TLK1: variants seen among roughly 807,000 people sequenced by gnomAD.
TLK1 encodes tousled like kinase 1, also known as serine/threonine-protein kinase tousled-like 1.
Under a neutral mutation model 105.3 loss-of-function variants are expected in TLK1, and 24 were observed. The observed-to-expected ratio is 0.23, with a 90% CI of 0.17 to 0.32. The LOEUF (loss-of-function observed/expected upper bound fraction) is 0.32. Ranked by LOEUF, TLK1 falls within the 10% of genes least tolerant of loss-of-function variation. The pLI is 1.00. For missense variants in TLK1, 558 were observed against 910.5 expected, an observed-to-expected ratio of 0.61 and a Z score of 4.98; for synonymous variants, 321 against 310.4, an observed-to-expected ratio of 1.03 and a Z score of -0.36.
intron 3 of TLK1, among the ~76,000 whole-genome samples, chr2:171,076,751 A>T (rs1268412577): frequency 5.9e-5 from 9 of 151,390 alleles, no homozygotes; most frequent in Middle Eastern, 3.4e-3. Flanking sequence ...AAAAAAAAAA[A>T]AAATACAAAA....
chr2:171,089,448 CATG>C (rs1689127364), intron 2 of TLK1, among the ~76,000 whole-genome samples: 3 of 152,160 alleles, frequency 2.0e-5, no homozygotes, highest in African/African-American at 7.2e-5. Context: ...ATTTTTCTAT[CATG>C]ATAAGAGTTC....
chr2:171,065,280 T>G (rs1320133520), intron 3 of TLK1, among the ~76,000 whole-genome samples: 1 of 152,222 alleles, frequency 6.6e-6, no homozygotes, highest in Non-Finnish European at 1.5e-5. Context: ...TATTAAAGTT[T>G]GTTCTTCATT....
rs370745022 is a variant in TLK1 at position 171,194,774 on chromosome 2, G to A, written c.-6+36371C>T. On this transcript the variant is annotated intron_variant, in intron 1 of 20. Coordinates refer to the TLK1 transcript ENST00000521943. Reference sequence around the variant, plus strand: ...GGAGCTTGCAGTGAGCCCAGATCGCGCCACTGCACTCCAGCCTGGGCGACA... The same window carrying A: ...GGAGCTTGCAGTGAGCCCAGATCGCACCACTGCACTCCAGCCTGGGCGACA... Among the ~76,000 whole-genome samples, 48 of 143,546 alleles carry A rather than the reference G, an allele frequency of 3.3e-4. No individual in the cohort carries two copies. In the South Asian group the frequency reaches 5.2e-3, roughly 15 times the overall value. 94.2% of individuals were successfully genotyped at this position (143,546 alleles called of 152,430 possible).
intron 3 of TLK1, among the ~76,000 whole-genome samples, chr2:171,067,349 G>A (rs991088863): frequency 6.6e-6 from 1 of 151,580 alleles, no homozygotes; most frequent in Non-Finnish European, 1.5e-5. Context: ...TTTTAGTAGA[G>A]ATGGGGTTTC....
intron 3 of TLK1, among the ~76,000 whole-genome samples, chr2:171,077,975 A>G (rs1688588701): frequency 6.6e-6 from 1 of 152,174 alleles, no homozygotes; most frequent in African/African-American, 2.4e-5. Context: ...GAAATCCTCA[A>G]ACCATACTCT....
At position 171,160,414 on chromosome 2, in the gene TLK1, A is replaced by G; in HGVS notation, c.15T>C (p.Ser5=). The change falls in exon 1 of 21, where the codon AGT becomes AGC. Residue 5 remains serine, a synonymous_variant. Transcript: ENST00000431350. This position sits in a 1 kb window ranked among gnomAD's most constrained non-coding sequence, Gnocchi z 4.4. The part of the protein sequence containing the change: MSVQ[S]SSGSLEGPPS... ...GCGGCCCCTCCAAACTTCCACTGCT[A>G]CTTTGGACACTCATCAAGCTACTTT... The G allele has an allele frequency of 1.2e-6, 2 of 1,603,052 alleles. No homozygotes were observed. Among genetic ancestry groups the G allele is most frequent in the Non-Finnish European group, 1.7e-6 (2 of 1,175,396 alleles).
intron 1 of TLK1, among the ~76,000 whole-genome samples, chr2:171,155,370 G>C (rs1443625427): frequency 2.0e-5 from 3 of 152,014 alleles, no homozygotes; most frequent in African/African-American, 4.8e-5. Flanking sequence ...ATTTCACAGG[G>C]AATTTAGCAA....
intron 1 of TLK1, among the ~76,000 whole-genome samples, chr2:171,224,028 A>G (rs2105332262): frequency 6.6e-6 from 1 of 152,138 alleles, no homozygotes; most frequent in African/African-American, 2.4e-5. Flanking sequence ...CTTTGCCCCG[A>G]CCAATGCTAT....
chr2:171,056,848 C>T (rs1197742056), intron 5 of TLK1, among the ~76,000 whole-genome samples: 2 of 151,890 alleles, frequency 1.3e-5, no homozygotes, highest in African/African-American at 4.8e-5. Flanking sequence ...AAATAAATTC[C>T]TCCAAAGCAA....
chr2:171,041,546 G>A lies in TLK1; in HGVS notation c.1169+4628C>T, dbSNP rs570740812. 2.0e-5 allele frequency among the ~76,000 whole-genome samples: 3 copies of A among 152,316 alleles called. No homozygotes were observed. The South Asian group carries it at 6.2e-4, about 32-fold the overall frequency. The stretch of plus-strand genomic sequence containing the variant: ...ATCCACCTCCTGTCAGACCAGCAGT[G>A]GCATTAGATTCTCATAGAGCACAAA... On this transcript the variant is annotated intron_variant, in intron 11 of 20. Transcript: ENST00000431350.
intron 1 of TLK1, among the ~76,000 whole-genome samples, chr2:171,230,877 A>G (rs1693983690): frequency 6.6e-6 from 1 of 152,188 alleles, no homozygotes; most frequent in Admixed American, 6.5e-5. Context: ...GGAACAGAGA[A>G]CTGACTTCAG....
chr2:170,999,726 C>T (rs188814576), intron 18 of TLK1, among the ~76,000 whole-genome samples: 1 of 152,250 alleles, frequency 6.6e-6, no homozygotes, highest in Non-Finnish European at 1.5e-5. Context: ...GTTGGAGGCA[C>T]TGACCCATGC....
chr2:171,070,072 G>T (rs1366710211), intron 3 of TLK1, among the ~76,000 whole-genome samples: 1 of 152,086 alleles, frequency 6.6e-6, no homozygotes, highest in Non-Finnish European at 1.5e-5. Flanking sequence ...TTATGGTAAA[G>T]AACTATACTG....
chr2:171,042,705 A>C (rs887571447), intron 11 of TLK1, among the ~76,000 whole-genome samples: 1 of 151,984 alleles, frequency 6.6e-6, no homozygotes, highest in African/African-American at 2.4e-5. Context: ...CAATAGGAGA[A>C]ACTGGTTAAA....
intron 2 of TLK1, among the ~76,000 whole-genome samples, chr2:171,117,501 G>C (rs1690485282): frequency 6.6e-6 from 1 of 152,146 alleles, no homozygotes; most frequent in South Asian, 2.1e-4. Context: ...CATAGTGGGA[G>C]ACAGGCAGTA....
At chr2:171,226,258 A>G (rs1693894539) in intron 1 of TLK1, among the ~76,000 whole-genome samples, 1 of 152,218 alleles carries the variant, frequency 6.6e-6, no homozygotes, top group African/African-American at 2.4e-5. Flanking sequence ...GTGTAGGTAC[A>G]AATAGACATT....
At chr2:171,217,570 A>C (rs1257352566) in intron 1 of TLK1, among the ~76,000 whole-genome samples, 1 of 152,214 alleles carries the variant, frequency 6.6e-6, no homozygotes, top group Non-Finnish European at 1.5e-5. Flanking sequence ...CAACTCCCAA[A>C]GCTGATCATG....
intron 1 of TLK1, among the ~76,000 whole-genome samples, chr2:171,123,041 A>AAAAT (rs58748428): frequency 1.5e-3 from 201 of 134,790 alleles, no homozygotes; most frequent in Admixed American, 3.7e-3. Context: ...CCTATATGAA[A>AAAAT]AAATAAATAA....
chr2:171,226,959 T>C (rs1196709371), intron 1 of TLK1, among the ~76,000 whole-genome samples: 1 of 152,152 alleles, frequency 6.6e-6, no homozygotes, highest in South Asian at 2.1e-4. Flanking sequence ...AATTAGAAAA[T>C]AAATTTCAGT....
Sources: gnomAD v4.1 joint callset for allele counts (sites outside exome capture counted in the v4.1 genomes callset) on GRCh38, gnomAD v4.1.1 for gene constraint, Gnocchi (gnomAD v3.1) non-coding constraint, MANE v1.5 for transcripts, NCBI Gene and HGNC (gene_info 2026-07-23, HGNC 2026-07-21) for gene names.